The following FRYL variants were observed in gnomAD, a reference collection of about 807,000 sequenced individuals.
FRYL encodes protein furry homolog-like.
A neutral mutation model predicts 351.2 loss-of-function variants in FRYL; 150 were observed. The ratio of observed to expected loss-of-function variants is 0.43; its 90% confidence interval spans 0.37 to 0.49. The LOEUF (loss-of-function observed/expected upper bound fraction) is 0.49. Ranked by LOEUF, FRYL falls within the 20% of genes least tolerant of loss-of-function variation. The pLI is 0.00. For missense variants in FRYL, 3,036 were observed against 3,619.3 expected (o/e 0.84, Z 4.13); for synonymous variants, 1,153 against 1,257.1 (o/e 0.92, Z 1.75).
intron 3 of FRYL, among the ~76,000 whole-genome samples, chr4:48,655,499 A>G (rs1259634698): frequency 6.6e-6 from 1 of 151,900 alleles, no homozygotes; most frequent in African/African-American, 2.4e-5. Flanking sequence ...GTCAACATGC[A>G]AAATACTCCC....
At chr4:48,667,095 T>A (rs1267749658) in intron 3 of FRYL, among the ~76,000 whole-genome samples, 1 of 152,040 alleles carries the variant, frequency 6.6e-6, no homozygotes, top group Non-Finnish European at 1.5e-5. Context: ...TTACAGCTAA[T>A]TTTTTTTAAA....
chr4:48,606,971 T>C (rs1462003274), intron 9 of FRYL, among the ~76,000 whole-genome samples: 1 of 152,204 alleles, frequency 6.6e-6, no homozygotes, highest in Non-Finnish European at 1.5e-5. Flanking sequence ...GCTCTTTTTA[T>C]ATAAAGTCTG....
chr4:48,779,634 C>T (rs1776426421), intron 1 of FRYL, among the ~76,000 whole-genome samples: 1 of 152,044 alleles, frequency 6.6e-6, no homozygotes, highest in South Asian at 2.1e-4. Flanking sequence ...CCACCTCTGC[C>T]ACCGCCTTCC....
intron 1 of FRYL, among the ~76,000 whole-genome samples, chr4:48,715,594 C>T (rs2149599884): frequency 6.6e-6 from 1 of 151,664 alleles, no homozygotes; most frequent in South Asian, 2.1e-4. Context: ...TCAAGGAGAA[C>T]TACAAACCAC....
chr4:48,685,527 T>C (rs976953062), intron 2 of FRYL, among the ~76,000 whole-genome samples: 1 of 152,232 alleles, frequency 6.6e-6, no homozygotes, highest in Non-Finnish European at 1.5e-5. Context: ...AAATAGTTCA[T>C]GTATCTGCTA....
At chr4:48,550,412 T>C in intron 38 of FRYL, 180 bp downstream of exon 38, 1 of 551,374 alleles carries the variant, frequency 1.8e-6, no homozygotes, top group Non-Finnish European at 3.2e-6. Context: ...AAAAAAAATT[T>C]CACCCAATTA....
At chr4:48,622,749 T>C (rs1020028388) in intron 5 of FRYL, among the ~76,000 whole-genome samples, 2 of 152,094 alleles carry the variant, frequency 1.3e-5, no homozygotes, top group African/African-American at 4.8e-5. Flanking sequence ...GCACAAGAGT[T>C]GTTAGACACC....
intron 3 of FRYL, among the ~76,000 whole-genome samples, chr4:48,639,104 A>AT (rs1344561077): frequency 2.0e-5 from 3 of 152,140 alleles, no homozygotes; most frequent in African/African-American, 7.2e-5. Context: ...TTAAAGTATA[A>AT]TAAAAAAAAA....
intron 3 of FRYL, among the ~76,000 whole-genome samples, 153 bp from the exon 4 acceptor site, chr4:48,634,643 C>G (rs1243113466): frequency 2.6e-5 from 4 of 152,168 alleles, no homozygotes; most frequent in African/African-American, 4.8e-5. Flanking sequence ...TTCTAACATA[C>G]TAACATATTT....
Position 48,567,599 on chromosome 4 carries a change from T to C in FRYL, c.2997-179A>G, listed in dbSNP as rs1159735311. Among the ~76,000 whole-genome samples the C allele has an allele frequency of 3.3e-5, 5 of 152,232 alleles. No homozygotes were observed. The highest frequency in any genetic ancestry group is 1.2e-4 in the African/African-American group (5 of 41,470). ...TTGCTTACTTTAATATGAAAATAGATGGTGCTTCTTAATCTAGGAACTGCT... is the reference window on the plus strand; with the variant it reads ...TTGCTTACTTTAATATGAAAATAGACGGTGCTTCTTAATCTAGGAACTGCT... On this transcript the variant is annotated intron_variant, in intron 27 of 63. Coordinates refer to ENST00000358350, the MANE Select transcript of FRYL (RefSeq NM_015030.2). This position sits in a 1 kb window ranked among gnomAD's most constrained non-coding sequence, Gnocchi z 4.2.
At chr4:48,674,659 C>A (rs1341384033) in intron 3 of FRYL, among the ~76,000 whole-genome samples, 1 of 132,024 alleles carries the variant, frequency 7.6e-6, no homozygotes, top group Non-Finnish European at 1.5e-5. Flanking sequence ...ATGACGTGAA[C>A]CTGGGAGGCG....
chr4:48,531,708 G>A (rs1390364481), intron 49 of FRYL, among the ~76,000 whole-genome samples: 1 of 152,192 alleles, frequency 6.6e-6, no homozygotes, highest in Admixed American at 6.5e-5. Flanking sequence ...GCTGAATGAA[G>A]TTTATAGCTT....
At chr4:48,529,318 G>T (rs1727002873) in intron 50 of FRYL, among the ~76,000 whole-genome samples, 4 of 152,212 alleles carry the variant, frequency 2.6e-5, no homozygotes, top group Admixed American at 2.6e-4. Context: ...TGGACCATGT[G>T]TGATTGCCTC....
At chr4:48,506,735 A>G (rs2148733181) in intron 59 of FRYL, 1 of 147,556 alleles carries the variant, frequency 6.8e-6, no homozygotes, top group Non-Finnish European at 1.5e-5. Context: ...GTATTTTAGT[A>G]TTCGACATTT....
intron 1 of FRYL, among the ~76,000 whole-genome samples, chr4:48,714,643 C>CA (rs1045279760): frequency 6.7e-6 from 1 of 149,392 alleles, no homozygotes; most frequent in Non-Finnish European, 1.5e-5. Flanking sequence ...GCTTACCAAC[C>CA]AAAAAGAGTC....
At chr4:48,652,664 A>T (rs1757958449) in intron 3 of FRYL, among the ~76,000 whole-genome samples, 1 of 152,216 alleles carries the variant, frequency 6.6e-6, no homozygotes, top group Non-Finnish European at 1.5e-5. Context: ...CATATTCAAT[A>T]AGACTTTATC....
At chr4:48,643,176 G>C (rs1455062579) in intron 3 of FRYL, among the ~76,000 whole-genome samples, 1 of 152,154 alleles carries the variant, frequency 6.6e-6, no homozygotes, top group African/African-American at 2.4e-5. Flanking sequence ...AACATACCTG[G>C]ACCCAGGGAC....
In FRYL at chr4:48,501,716, T is replaced by G; in HGVS notation, c.8499A>C (p.Arg2833=). ...MEILAELELC[R]RLYKLHFQLL... is the part of the protein sequence containing the mutation. ...ATTGAAAATGCAATTTGTATAATCT[T>G]CGGCAGAGCTCCAATTCCTAGAAAT... The change falls in exon 62 of 64, where the codon CGA becomes CGC. Residue 2833 remains arginine, a synonymous_variant. Coordinates refer to ENST00000358350, the MANE Select transcript of FRYL (RefSeq NM_015030.2). The G allele has an allele frequency of 6.3e-7, 1 of 1,596,756 alleles. No homozygotes were observed. Among genetic ancestry groups the G allele is most frequent in the African/African-American group, 1.3e-5 (1 of 74,724 alleles).
chr4:48,771,418 A>G (rs755755159), intron 1 of FRYL, among the ~76,000 whole-genome samples: 16 of 152,202 alleles, frequency 1.1e-4, no homozygotes, highest in Admixed American at 2.0e-4. Flanking sequence ...TTTGACTTAC[A>G]TTGTAACAAT....
Sources: allele counts gnomAD v4.1 joint callset (sites outside exome capture counted in the v4.1 genomes callset), GRCh38; gene constraint gnomAD v4.1.1; non-coding constraint Gnocchi (gnomAD v3.1); transcripts MANE v1.5; gene names NCBI Gene and HGNC (gene_info 2026-07-23, HGNC 2026-07-21).